ZC3H12B: variants seen among roughly 807,000 people sequenced by gnomAD.
The protein encoded by ZC3H12B is probable ribonuclease ZC3H12B.
Under a neutral mutation model 43.9 loss-of-function variants are expected in ZC3H12B, and 7 were observed. The ratio of observed to expected loss-of-function variants is 0.16; its 90% CI spans 0.09 to 0.30. ZC3H12B has a LOEUF of 0.30. Ranked by LOEUF, ZC3H12B falls within the 10% of genes least tolerant of loss-of-function variation. The probability of loss-of-function intolerance (pLI) is 1.00; values close to 1 mark genes in which losing one functional copy is unlikely to be tolerated. For missense variants in ZC3H12B, 475 were observed against 670.2 expected, an observed-to-expected ratio of 0.71 and a Z score of 3.22; for synonymous variants, 222 against 241.7, an observed-to-expected ratio of 0.92 and a Z score of 0.76.
chrX:65,117,730 A>AT, the ZC3H12B span, among the ~76,000 whole-genome samples: 11 of 111,822 alleles, frequency 9.8e-5, no homozygotes, highest in African/African-American at 3.2e-4. Context: ...TCTTGAATTA[A>AT]TTTTTGTATA....
the ZC3H12B span, among the ~76,000 whole-genome samples, chrX:65,259,364 A>T: frequency 8.9e-6 from 1 of 112,330 alleles, no homozygotes; most frequent in African/African-American, 3.2e-5. Flanking sequence ...AGCCATATGC[A>T]GAAGATTGAA....
the ZC3H12B span, among the ~76,000 whole-genome samples, chrX:65,129,552 AAGGTAATGTCGTC>A: frequency 9.1e-6 from 1 of 110,248 alleles, no homozygotes; most frequent in Admixed American, 9.7e-5. Flanking sequence ...GAAATTTCAC[AAGGTAATGTCGTC>A]AGTTAAGGCA....
chrX:65,075,096 C>G, the ZC3H12B span, among the ~76,000 whole-genome samples: 1 of 112,099 alleles, frequency 8.9e-6, no homozygotes, highest in Non-Finnish European at 1.9e-5. Flanking sequence ...GAAAGACCTT[C>G]ACAAATCAGC....
chrX:65,167,624 T>C, the ZC3H12B span, among the ~76,000 whole-genome samples: 1 of 112,037 alleles, frequency 8.9e-6, no homozygotes, highest in Non-Finnish European at 1.9e-5. Context: ...ATCTATAAAT[T>C]ACCTTGGGCA....
chrX:65,132,908 T>C, the ZC3H12B span, among the ~76,000 whole-genome samples: 1 of 111,653 alleles, frequency 9.0e-6, no homozygotes, highest in African/African-American at 3.3e-5. Context: ...TCTTCAGCCG[T>C]TAAGCTGAGA....
intron 3 of ZC3H12B, among the ~76,000 whole-genome samples, chrX:65,459,410 G>A (rs991529511): frequency 1.1e-4 from 12 of 111,177 alleles, no homozygotes; most frequent in South Asian, 3.8e-4. Flanking sequence ...ACAAAAAAAC[G>A]GAATTTTAGA....
intron 3 of ZC3H12B, among the ~76,000 whole-genome samples, chrX:65,475,232 G>A (rs748772797): frequency 1.8e-5 from 2 of 111,448 alleles, no homozygotes; most frequent in African/African-American, 6.5e-5. Flanking sequence ...CCATTACATT[G>A]TTGCATTAAT....
the ZC3H12B span, among the ~76,000 whole-genome samples, chrX:65,153,555 G>A: frequency 8.9e-6 from 1 of 111,822 alleles, no homozygotes; most frequent in Non-Finnish European, 1.9e-5. Flanking sequence ...ATTTAGAATG[G>A]CAATTATTAA....
At chrX:65,477,262 C>G in intron 3 of ZC3H12B, among the ~76,000 whole-genome samples, 1 of 109,556 alleles carries the variant, frequency 9.1e-6, no homozygotes, top group Non-Finnish European at 1.9e-5. Flanking sequence ...GAGTCTAAAT[C>G]TGAGGCAGGG....
chrX:65,496,149 A>G (rs1207363783), intron 1 of ZC3H12B, among the ~76,000 whole-genome samples: 4 of 112,431 alleles, frequency 3.6e-5, no homozygotes, highest in Non-Finnish European at 7.5e-5. Context: ...GTTTTCTTCT[A>G]CAAAATCGGT....
the ZC3H12B span, among the ~76,000 whole-genome samples, chrX:65,099,809 A>T: frequency 9.0e-6 from 1 of 111,502 alleles, no homozygotes. Flanking sequence ...AATTCCAAAA[A>T]CAAGAAAGCC....
chrX:65,131,680 G>A, the ZC3H12B span, among the ~76,000 whole-genome samples: 9,177 of 111,417 alleles, frequency 0.082, 1,009 homozygotes, highest in African/African-American at 0.29. Flanking sequence ...CTAACCATGC[G>A]TAGGAAGGAA....
chrX:65,100,604 C>CAATCTT, the ZC3H12B span, among the ~76,000 whole-genome samples: 1 of 40,763 alleles, frequency 2.5e-5, no homozygotes, highest in Non-Finnish European at 4.3e-5. Context: ...ACAGGGGTTA[C>CAATCTT]AATCTTAGTC....
At chrX:65,174,188 G>A in the ZC3H12B span, among the ~76,000 whole-genome samples, 1 of 111,737 alleles carries the variant, frequency 8.9e-6, no homozygotes, top group Admixed American at 9.5e-5. Context: ...ACCCCTGCTG[G>A]GAGGTGTCTC....
the ZC3H12B span, among the ~76,000 whole-genome samples, chrX:65,174,060 C>A: frequency 1.8e-5 from 2 of 111,440 alleles, no homozygotes; most frequent in Non-Finnish European, 3.8e-5. Context: ...GCCTGGGTAA[C>A]ACCAGTGGAG....
the ZC3H12B span, among the ~76,000 whole-genome samples, chrX:65,360,169 TTTAAA>T: frequency 1.8e-5 from 2 of 112,412 alleles, no homozygotes; most frequent in African/African-American, 6.4e-5. Flanking sequence ...AAACATAACT[TTTAAA>T]TGAAATAGAA....
At chrX:65,245,919 T>C in the ZC3H12B span, among the ~76,000 whole-genome samples, 1 of 107,764 alleles carries the variant, frequency 9.3e-6, no homozygotes, top group South Asian at 4.0e-4. Flanking sequence ...GAACTTAAAA[T>C]ATTTAAAAAA....
chrX:65,129,504 AC>A, the ZC3H12B span, among the ~76,000 whole-genome samples: 1 of 109,638 alleles, frequency 9.1e-6, no homozygotes, highest in Non-Finnish European at 1.9e-5. Flanking sequence ...GGCGGGGGTC[AC>A]AAGGTGCTCA....
At chrX:65,181,656 C>T in the ZC3H12B span, among the ~76,000 whole-genome samples, 2 of 112,261 alleles carry the variant, frequency 1.8e-5, no homozygotes, top group Non-Finnish European at 3.8e-5. Context: ...AAAAAAAGCT[C>T]ACCATCACTG....
Sources: gnomAD v4.1 joint callset for allele counts (sites outside exome capture counted in the v4.1 genomes callset) on GRCh38, gnomAD v4.1.1 for gene constraint, MANE v1.5 for transcripts, NCBI Gene and HGNC (gene_info 2026-07-23, HGNC 2026-07-21) for gene names.